Variants in TMCO4 observed in about 807,000 individuals in gnomAD.
TMCO4 encodes transmembrane and coiled-coil domain-containing protein 4.
In TMCO4, 58 loss-of-function variants were observed where a neutral mutation model predicts 64.7. The ratio of observed to expected loss-of-function variants is 0.90; its 90% CI spans 0.73 to 1.12. The LOEUF (loss-of-function observed/expected upper bound fraction) is 1.12, where lower values mean the gene tolerates loss of function less well. TMCO4 is among the 50% of genes most tolerant of loss of function. TMCO4 has a pLI of 0.00. For synonymous variants in TMCO4, 325 were observed against 346.1 expected, an observed-to-expected ratio of 0.94 and a Z score of 0.68; for missense variants, 780 against 825.9, an observed-to-expected ratio of 0.94 and a Z score of 0.68.
chr1:19,699,682 A>G (rs1467133426), intron 14 of TMCO4, among the ~76,000 whole-genome samples: 1 of 151,922 alleles, frequency 6.6e-6, no homozygotes, highest in East Asian at 1.9e-4. Context: ...GCCTCCCACC[A>G]TGCTGCCTGG....
chr1:19,734,205 T>A lies in TMCO4; in HGVS notation c.1264+3167A>T, dbSNP rs1176705580. ...GAGCTTGGTCTGCTGGAGCCCGGCA[T>A]GTGAGGTGGAGAGAGGCGGGGGAAG... On this transcript the variant is annotated intron_variant, in intron 13 of 15. Transcript: ENST00000294543. The surrounding 1 kb of genome is among the most constrained non-coding windows in gnomAD (Gnocchi z 4.4). 6.6e-6 allele frequency among the ~76,000 whole-genome samples: 1 copy of A among 151,998 alleles called. No individual in the cohort carries two copies. The highest frequency in any genetic ancestry group is 6.6e-5 in the Admixed American group (1 of 15,250).
rs2095119235 is a variant in TMCO4, at chr1:19,683,379, G to C, written c.1566C>G (p.Thr522=). The C allele has an allele frequency of 1.9e-6, 3 of 1,613,830 alleles. No individual in the cohort carries two copies. The highest frequency in any genetic ancestry group is 2.5e-6 in the Non-Finnish European group (3 of 1,180,028). ...DAILKAVGIR[T]KPGWDEKGLL... ...GCCCCTTCTCGTCCCAGCCTGGCTT[G>C]GTGCGGATGCCCACGGCCTTCAGGA... The change falls in exon 16 of 16, where the codon ACC becomes ACG. Residue 522 remains threonine, a synonymous_variant. Transcript: ENST00000294543.
At chr1:19,757,098 C>T (rs2042289473) in intron 6 of TMCO4, among the ~76,000 whole-genome samples, 2 of 149,566 alleles carry the variant, frequency 1.3e-5, no homozygotes, top group Non-Finnish European at 3.0e-5. Context: ...CGAGACCAGC[C>T]TGGCCAACAT....
intron 14 of TMCO4, among the ~76,000 whole-genome samples, chr1:19,698,756 G>A (rs2095252619): frequency 6.6e-6 from 1 of 152,160 alleles, no homozygotes; most frequent in South Asian, 2.1e-4. Context: ...ATAAAGAGAT[G>A]GCCCAGGGTC....
At chr1:19,709,444 C>A (rs1191410558) in intron 13 of TMCO4, among the ~76,000 whole-genome samples, 1 of 151,296 alleles carries the variant, frequency 6.6e-6, no homozygotes, top group African/African-American at 2.4e-5. Flanking sequence ...AATGTAATGT[C>A]TGCTGTCTGC....
chr1:19,749,140 G>T (rs1002279730), intron 7 of TMCO4, among the ~76,000 whole-genome samples: 2 of 152,228 alleles, frequency 1.3e-5, no homozygotes, highest in African/African-American at 4.8e-5. Context: ...AGGCAGGAGG[G>T]CCATCAAGAT....
intron 12 of TMCO4, 45 bp from the exon 13 acceptor site, chr1:19,737,501 T>A: frequency 1.9e-6 from 3 of 1,590,596 alleles, no homozygotes; most frequent in Non-Finnish European, 2.6e-6. Context: ...ATACTGCCAG[T>A]TCTAGCAAAA....
At chr1:19,744,057 T>TC (rs1204993627) in intron 10 of TMCO4, among the ~76,000 whole-genome samples, 1 of 152,184 alleles carries the variant, frequency 6.6e-6, no homozygotes, top group Non-Finnish European at 1.5e-5. Context: ...TCACTGGCTT[T>TC]CTTCTGTGTG....
In TMCO4 at chr1:19,715,875, C is replaced by G. The variant is rs149776469; in HGVS notation, c.1265-14990G>C. Among the ~76,000 whole-genome samples, 211 of 152,316 alleles carry G rather than the reference C, an allele frequency of 1.4e-3. 1 individual carries two copies. The highest frequency in any genetic ancestry group is 4.8e-3 in the African/African-American group (199 of 41,568). On this transcript the variant is annotated intron_variant, in intron 13 of 15. Transcript: ENST00000294543. ...CCTACAATGCCATTCCCATTAGAGA[C>G]GGAGGGAGCGCCCTGGGAGTGGGGT... is the stretch of plus-strand genomic sequence containing the variant.
At chr1:19,745,371 ATG>A (rs1261995664) in intron 10 of TMCO4, 159 bp downstream of exon 10, 1 of 1,091,060 alleles carries the variant, frequency 9.2e-7, no homozygotes, top group East Asian at 2.5e-5. Context: ...AGGTGGACAG[ATG>A]TGAGATGAAG....
intron 2 of TMCO4, among the ~76,000 whole-genome samples, chr1:19,792,474 C>A (rs1220196007): frequency 6.6e-6 from 1 of 152,192 alleles, no homozygotes; most frequent in Non-Finnish European, 1.5e-5. Flanking sequence ...AATATCTGAC[C>A]TCAGCTCCAC....
At chr1:19,781,634 G>C (rs532261837) in intron 3 of TMCO4, among the ~76,000 whole-genome samples, 72 of 149,116 alleles carry the variant, frequency 4.8e-4, no homozygotes, top group African/African-American at 1.7e-3. Flanking sequence ...AGAGCAAACA[G>C]AACTTTCTTT....
chr1:19,706,755 C>T (rs920523551), intron 13 of TMCO4, among the ~76,000 whole-genome samples: 1 of 152,184 alleles, frequency 6.6e-6, no homozygotes, highest in Non-Finnish European at 1.5e-5. Context: ...TTGTCATTCA[C>T]ATGTGCCGTG....
At chr1:19,766,800 T>G (rs1029681506) in intron 6 of TMCO4, among the ~76,000 whole-genome samples, 11 of 152,174 alleles carry the variant, frequency 7.2e-5, no homozygotes, top group African/African-American at 2.7e-4. Flanking sequence ...TGGTTATTCG[T>G]TAGAACAGAT....
intron 13 of TMCO4, among the ~76,000 whole-genome samples, chr1:19,730,224 G>T (rs1243016423): frequency 1.3e-5 from 2 of 152,124 alleles, no homozygotes; most frequent in African/African-American, 4.8e-5. Context: ...GTGCTTTAAG[G>T]GCCAGTGCAT....
chr1:19,768,999 C>T (rs558186781), intron 6 of TMCO4, among the ~76,000 whole-genome samples: 17 of 152,318 alleles, frequency 1.1e-4, no homozygotes, highest in African/African-American at 3.1e-4. Flanking sequence ...CCTGCCACCC[C>T]GGCAGGCACT....
At position 19,780,785 on chromosome 1, in the gene TMCO4, A is replaced by T. The variant is rs1166997851; in HGVS notation, c.-8-19T>A. 1.3e-6 allele frequency: 2 copies of T among 1,540,796 alleles called. No individual in the cohort carries two copies. Among genetic ancestry groups the T allele is most frequent in the Non-Finnish European group, 1.7e-6 (2 of 1,147,056 alleles). ...CCCAGCGCTGCAGGAGAAAATTCCC[A>T]GTGAGAAATGCTTCCAGAGGTAAGC... is the stretch of plus-strand genomic sequence containing the variant. On this transcript the variant is annotated intron_variant, in intron 3 of 15. Transcript: ENST00000294543.
At chr1:19,787,794 C>T (rs1229757131) in intron 2 of TMCO4, among the ~76,000 whole-genome samples, 1 of 152,104 alleles carries the variant, frequency 6.6e-6, no homozygotes, top group Non-Finnish European at 1.5e-5. Flanking sequence ...TTTGCTCTGT[C>T]GCCCAGGCTG....
At chr1:19,739,751 A>T in intron 12 of TMCO4, 73 bp downstream of exon 12, 1 of 1,559,154 alleles carries the variant, frequency 6.4e-7, no homozygotes, top group Non-Finnish European at 8.7e-7. Flanking sequence ...TCTAAGGCTG[A>T]TATCTGTGAA....
Sources: gnomAD v4.1 joint callset for allele counts (sites outside exome capture counted in the v4.1 genomes callset) on GRCh38, gnomAD v4.1.1 for gene constraint, Gnocchi (gnomAD v3.1) non-coding constraint, MANE v1.5 for transcripts, NCBI Gene and HGNC (gene_info 2026-07-23, HGNC 2026-07-21) for gene names.